Variants in GNA15 observed in about 807,000 individuals in gnomAD.
GNA15 encodes the protein guanine nucleotide-binding protein subunit alpha-15.
In GNA15, 23 loss-of-function variants were observed where a neutral mutation model predicts 40.1. That is an observed-to-expected ratio of 0.57 (90% CI 0.41 to 0.81). GNA15 has a LOEUF of 0.81. GNA15 is among the 40% of genes least tolerant of loss of function. The pLI is 0.00. For missense variants in GNA15, 522 were observed against 515.8 expected (o/e 1.01, Z -0.12); for synonymous variants, 226 against 210.4 (o/e 1.07, Z -0.64).
chr19:3,148,901 G>C, intron 2 of GNA15, 126 bp downstream of exon 2: 6 of 971,434 alleles, frequency 6.2e-6, no homozygotes, highest in Non-Finnish European at 8.9e-6. Context: ...GGCAGGCAGG[G>C]AAGGGTCCCC....
chr19:3,151,556 C>A lies in GNA15; in HGVS notation c.486-151C>A. 1.3e-6 allele frequency: 1 copy of A among 763,384 alleles called. No homozygotes were observed. Among genetic ancestry groups the A allele is most frequent in the Non-Finnish European group, 2.0e-6 (1 of 511,598 alleles). 47.3% of individuals were successfully genotyped at this position (763,384 alleles called of 1,614,324 possible). A position where few individuals can be genotyped will look rare whatever the true frequency, so the allele number is the denominator to read the frequency against. The stretch of plus-strand genomic sequence containing the variant: ...GGGCTCCATTGCCTCAGGTGGGGGA[C>A]GCTCCTGGGCCATCTGCCAACTCCA... On this transcript the variant is annotated intron_variant, in intron 3 of 6. Coordinates refer to ENST00000262958, the MANE Select transcript of GNA15 (RefSeq NM_002068.4). This position sits in a 1 kb window ranked among gnomAD's most constrained non-coding sequence, Gnocchi z 5.0.
intron 1 of GNA15, among the ~76,000 whole-genome samples, chr19:3,147,047 C>T (rs1210857373): frequency 6.6e-6 from 1 of 152,200 alleles, no homozygotes; most frequent in Non-Finnish European, 1.5e-5. Context: ...TTTTGACAGC[C>T]ACCTTCCGGC....
At chr19:3,138,937 C>CT (rs1914517134) in intron 1 of GNA15, among the ~76,000 whole-genome samples, 2 of 123,554 alleles carry the variant, frequency 1.6e-5, no homozygotes, top group Non-Finnish European at 3.4e-5. Flanking sequence ...CGCGCCCAGC[C>CT]TCTTTTTTTT....
At chr19:3,153,955 G>A (rs1288996359) in intron 4 of GNA15, among the ~76,000 whole-genome samples, 1 of 151,306 alleles carries the variant, frequency 6.6e-6, no homozygotes, top group African/African-American at 2.4e-5. Context: ...GTAGATGGAT[G>A]TATGAGTAGA....
At position 3,163,269 on chromosome 19, in the gene GNA15, G is replaced by T; in HGVS notation, c.*250G>T. ...AGGGAAGGAGCAAAACGGCCATTTG[G>T]GATGCCAGGGTGGATGAAAAGGTGA... On this transcript the variant is annotated 3_prime_UTR_variant, in exon 7 of 7. Transcript: ENST00000262958. 1 of 539,670 alleles carries T rather than the reference G, an allele frequency of 1.9e-6. No homozygotes were observed. The highest frequency in any genetic ancestry group is 3.3e-6 in the Non-Finnish European group (1 of 299,078). 33.4% of individuals were successfully genotyped at this position (539,670 alleles called of 1,614,324 possible).
At chr19:3,147,704 G>A (rs1430873189) in intron 1 of GNA15, among the ~76,000 whole-genome samples, 1 of 151,720 alleles carries the variant, frequency 6.6e-6, no homozygotes, top group Non-Finnish European at 1.5e-5. Flanking sequence ...CAAGACCACG[G>A]TGAAACCCCG....
intron 1 of GNA15, among the ~76,000 whole-genome samples, chr19:3,140,033 C>CAAAAAA (rs61178299): frequency 2.1e-5 from 2 of 95,978 alleles, no homozygotes; most frequent in African/African-American, 8.4e-5. Flanking sequence ...AACTCCATCT[C>CAAAAAA]AAAAAAAAAA....
At chr19:3,148,546 G>A (rs1252977054) in intron 1 of GNA15, 45 bp from the exon 2 acceptor site, 5 of 1,500,542 alleles carry the variant, frequency 3.3e-6, no homozygotes, top group Admixed American at 2.1e-5. Context: ...TGTCGGGGGT[G>A]GGAGTCCCGT....
At chr19:3,145,747 C>T (rs977223929) in intron 1 of GNA15, among the ~76,000 whole-genome samples, 13 of 148,172 alleles carry the variant, frequency 8.8e-5, no homozygotes, top group South Asian at 2.2e-4. Flanking sequence ...AGAGTTTCAC[C>T]GTGTTGGCCA....
Position 3,151,648 on chromosome 19 carries a change from C to G in GNA15, c.486-59C>G. 6.6e-7 allele frequency: 1 copy of G among 1,504,184 alleles called. No individual in the cohort carries two copies. Among genetic ancestry groups the G allele is most frequent in the Non-Finnish European group, 8.9e-7 (1 of 1,124,856 alleles). The allele number at this position is 1,504,184 out of a possible 1,614,324, so 93.2% of individuals were successfully genotyped here. ...GGTCCTTGCTGGGCCTTTCGTAGGGCCTGGGAAGCAAAGGGAGGCTGGCTG... is the reference window on the plus strand; with the variant it reads ...GGTCCTTGCTGGGCCTTTCGTAGGGGCTGGGAAGCAAAGGGAGGCTGGCTG... On this transcript the variant is annotated intron_variant, in intron 3 of 6. Coordinates refer to ENST00000262958, the MANE Select transcript of GNA15 (RefSeq NM_002068.4). The surrounding 1 kb of genome is among the most constrained non-coding windows in gnomAD (Gnocchi z 5.0).
At position 3,136,810 on chromosome 19, in the gene GNA15, G is replaced by A. The variant is rs1250782329; in HGVS notation, c.145+215G>A. 6.6e-6 allele frequency among the ~76,000 whole-genome samples: 1 copy of A among 152,224 alleles called. No individual in the cohort carries two copies. The highest frequency in any genetic ancestry group is 6.5e-5 in the Admixed American group (1 of 15,286). Reference sequence around the variant, plus strand: ...GTTCCTTGTCCAACGTGCGACCAGCGGCCAGGTGCCCAGGCCTGTCCACTG... The same window carrying A: ...GTTCCTTGTCCAACGTGCGACCAGCAGCCAGGTGCCCAGGCCTGTCCACTG... On this transcript the variant is annotated intron_variant, in intron 1 of 6. Coordinates refer to ENST00000262958, the MANE Select transcript of GNA15 (RefSeq NM_002068.4). This position sits in a 1 kb window ranked among gnomAD's most constrained non-coding sequence, Gnocchi z 4.9.
rs901580845 is a variant in GNA15, at chr19:3,136,923, G to A, written c.145+328G>A. On this transcript the variant is annotated intron_variant, in intron 1 of 6. Transcript: ENST00000262958. The surrounding 1 kb of genome is among the most constrained non-coding windows in gnomAD (Gnocchi z 4.9). ...CCCTACCTGTCTGTGTCATGGCGAG[G>A]GAATGATGAGCTCAGGTGTGCAACC... is the stretch of plus-strand genomic sequence containing the variant. Among the ~76,000 whole-genome samples the A allele has an allele frequency of 2.6e-5, 4 of 152,204 alleles. No individual in the cohort carries two copies. The highest frequency in any genetic ancestry group is 9.6e-5 in the African/African-American group (4 of 41,458).
intron 1 of GNA15, among the ~76,000 whole-genome samples, chr19:3,138,521 T>C (rs530029506): frequency 1.3e-5 from 2 of 152,300 alleles, no homozygotes; most frequent in East Asian, 1.9e-4. Flanking sequence ...CCTCGTTCAG[T>C]GGGAAGAGGC....
At chr19:3,150,579 G>A (rs74719458) in intron 3 of GNA15, among the ~76,000 whole-genome samples, 18,074 of 152,104 alleles carry the variant, frequency 0.12, 1,091 homozygotes, top group Admixed American at 0.13. Flanking sequence ...TATTCATAGG[G>A]GGACTCTGTT....
intron 1 of GNA15, among the ~76,000 whole-genome samples, chr19:3,145,359 A>ATATT: frequency 0.025 from 1,197 of 46,952 alleles, 27 homozygotes; most frequent in Admixed American, 0.06. Flanking sequence ...ATATATATAT[A>ATATT]TTTTTTTTTT....
Position 3,155,765 on chromosome 19 carries a change from G to C in GNA15, c.615-58G>C. On this transcript the variant is annotated intron_variant, in intron 4 of 6. Coordinates refer to ENST00000262958, the MANE Select transcript of GNA15 (RefSeq NM_002068.4). The surrounding 1 kb of genome is among the most constrained non-coding windows in gnomAD (Gnocchi z 5.6). ...GCATATCCCAGACGTGATGGGGGTT[G>C]GGGGTGTCACGGAGCAGGCTCCTGA... The C allele has an allele frequency of 1.3e-6, 2 of 1,583,386 alleles. No homozygotes were observed. Among genetic ancestry groups the C allele is most frequent in the East Asian group, 2.2e-5 (1 of 44,680 alleles).
intron 1 of GNA15, chr19:3,142,253 C>T (rs979194513): frequency 6.6e-6 from 1 of 152,082 alleles, no homozygotes; most frequent in Non-Finnish European, 1.5e-5. Context: ...TATCCAGGAG[C>T]TGGGGGATGT....
intron 6 of GNA15, 96 bp downstream of exon 6, chr19:3,157,977 G>A: frequency 1.0e-6 from 1 of 983,630 alleles, no homozygotes; most frequent in Non-Finnish European, 1.6e-6. Flanking sequence ...GGAGTCACCG[G>A]AACTTTCACA....
Position 3,136,672 on chromosome 19 carries a change from G to A in GNA15, c.145+77G>A, listed in dbSNP as rs1053862184. On this transcript the variant is annotated intron_variant, in intron 1 of 6. Transcript: ENST00000262958. The surrounding 1 kb of genome is among the most constrained non-coding windows in gnomAD (Gnocchi z 4.9). ...CCGGCAGGGGTGTCGGGGCAAGGAGGCGGATCAGGCTAGGTCAGACATTGG... is the reference window on the plus strand; with the variant it reads ...CCGGCAGGGGTGTCGGGGCAAGGAGACGGATCAGGCTAGGTCAGACATTGG... 1.5e-6 allele frequency: 2 copies of A among 1,355,836 alleles called. No individual in the cohort carries two copies. The highest frequency in any genetic ancestry group is 1.5e-5 in the African/African-American group (1 of 68,868). 84.0% of individuals were successfully genotyped at this position (1,355,836 alleles called of 1,614,324 possible).
Sources: allele counts gnomAD v4.1 joint callset (sites outside exome capture counted in the v4.1 genomes callset), GRCh38; gene constraint gnomAD v4.1.1; non-coding constraint Gnocchi (gnomAD v3.1); transcripts MANE v1.5; gene names NCBI Gene and HGNC (gene_info 2026-07-23, HGNC 2026-07-21).